The following PCDHA3 variants were observed in gnomAD, a reference collection of about 807,000 sequenced individuals.
The protein encoded by PCDHA3 is protocadherin alpha 3, also known as protocadherin alpha-3.
Under a neutral mutation model 62.2 loss-of-function variants are expected in PCDHA3, and 41 were observed. That is an observed-to-expected ratio of 0.66 (90% confidence interval 0.51 to 0.86). PCDHA3 has a LOEUF of 0.86. Among genes scored for constraint, PCDHA3 ranks in the 40% least tolerant of loss-of-function variants. The pLI is 0.00. For synonymous variants in PCDHA3, 640 were observed against 555.4 expected (o/e 1.15, Z -2.14); for missense variants, 1,304 against 1,241.2 (o/e 1.05, Z -0.76).
chr5:140,875,210 AAAAGAACCTC>A (rs2055354064), intron 1 of PCDHA3: 1 of 696,510 alleles, frequency 1.4e-6, no homozygotes, highest in Non-Finnish European at 2.1e-6. Context: ...GGCTAAACCG[AAAAGAACCTC>A]AGGATCTTTC....
At chr5:140,875,342 A>T in intron 1 of PCDHA3, 1 of 1,443,152 alleles carries the variant, frequency 6.9e-7, no homozygotes, top group Non-Finnish European at 9.1e-7. Flanking sequence ...GATCGACTCC[A>T]TAATGACTGT....
chr5:140,804,869 T>C, intron 1 of PCDHA3: 3 of 569,386 alleles, frequency 5.3e-6, no homozygotes, highest in Non-Finnish European at 8.7e-6. Flanking sequence ...AAAATAGATA[T>C]TTTTCTTGAC....
At chr5:140,898,233 C>T (rs2066607638) in intron 1 of PCDHA3, among the ~76,000 whole-genome samples, 1 of 152,126 alleles carries the variant, frequency 6.6e-6, no homozygotes, top group African/African-American at 2.4e-5. Flanking sequence ...GTTGCCATTG[C>T]TTTTGGTGTT....
chr5:140,969,331 G>A, intron 1 of PCDHA3: 1 of 1,614,042 alleles, frequency 6.2e-7, no homozygotes, highest in Non-Finnish European at 8.5e-7. Context: ...CTCAAAATGA[G>A]GTGAGACAGT....
intron 1 of PCDHA3, chr5:140,830,092 G>T: frequency 1.2e-6 from 2 of 1,613,632 alleles, no homozygotes; most frequent in Non-Finnish European, 1.7e-6. Flanking sequence ...CGGTTCTGGT[G>T]TCGCTGGTGG....
intron 1 of PCDHA3, chr5:140,849,676 C>G (rs2150444871): frequency 1.3e-6 from 2 of 1,598,588 alleles, no homozygotes; most frequent in African/African-American, 2.7e-5. Context: ...CCCCACGTCC[C>G]CTTCAAGCTG....
intron 1 of PCDHA3, chr5:140,841,359 G>A (rs2150314214): frequency 6.2e-7 from 1 of 1,613,176 alleles, no homozygotes; most frequent in Non-Finnish European, 8.5e-7. Flanking sequence ...GGATCCTGGC[G>A]ACTACTACTC....
intron 1 of PCDHA3, chr5:140,867,094 A>T (rs1289520469): frequency 6.6e-6 from 1 of 152,180 alleles, no homozygotes; most frequent in Admixed American, 6.5e-5. Flanking sequence ...GTTGGAAATT[A>T]ACACCTAAAT....
chr5:140,877,527 C>A (rs1554169810), intron 1 of PCDHA3: 1 of 1,613,642 alleles, frequency 6.2e-7, no homozygotes, highest in East Asian at 2.2e-5. Flanking sequence ...CCTCAGTGGG[C>A]GCTGTGGATC....
rs782328874 is a variant in PCDHA3, at chr5:141,009,755, C to G, written c.2671C>G (p.Pro891Ala). The G allele has an allele frequency of 6.2e-7, 1 of 1,614,002 alleles. No homozygotes were observed. Among genetic ancestry groups the G allele is most frequent in the African/African-American group, 1.3e-5 (1 of 74,894 alleles). ...TGAGTTGCCCGACAAATTCATTATC[C>G]CAGGATCTCCTGCAATCATCTCCAT... ...PGELPDKFII[P>A]GSPAIISIRQ... Residue 891 changes from proline (P) to alanine (A), a missense_variant, in exon 4 of 4, where the codon CCA becomes GCA. Physicochemically the swap from Pro to Ala is conservative, Grantham distance 27. Coordinates refer to ENST00000522353, the MANE Select transcript of PCDHA3 (RefSeq NM_018906.3).
intron 1 of PCDHA3, chr5:140,829,633 C>A (rs2150171789): frequency 1.7e-5 from 27 of 1,612,154 alleles, no homozygotes; most frequent in South Asian, 1.1e-5. Context: ...ACGCGGAGAG[C>A]GGCAAGGTGT....
intron 1 of PCDHA3, chr5:140,877,218 G>A: frequency 6.2e-7 from 1 of 1,613,726 alleles, no homozygotes; most frequent in Non-Finnish European, 8.5e-7. Context: ...AGTTGGTACC[G>A]CGGTCGGTGG....
chr5:140,906,761 A>G (rs896512633), intron 1 of PCDHA3, among the ~76,000 whole-genome samples: 2 of 152,204 alleles, frequency 1.3e-5, no homozygotes, highest in Non-Finnish European at 2.9e-5. Flanking sequence ...GGTAATACTA[A>G]GAGACACCCT....
At chr5:140,904,547 T>C (rs1313461939) in intron 1 of PCDHA3, among the ~76,000 whole-genome samples, 1 of 152,116 alleles carries the variant, frequency 6.6e-6, no homozygotes, top group African/African-American at 2.4e-5. Flanking sequence ...ATCTTTTTCA[T>C]ATAATGACTT....
intron 1 of PCDHA3, chr5:140,822,388 C>T: frequency 6.2e-7 from 1 of 1,614,066 alleles, no homozygotes; most frequent in Admixed American, 1.7e-5. Context: ...AGAAGAAACA[C>T]AAGAACACCG....
chr5:140,856,356 T>A lies in PCDHA3; in HGVS notation c.2394+52765T>A, dbSNP rs782497272. ...TGCGGGCGGAGCGTGGAGTGCAGCA[T>A]CCACCTGGAGGTGATCGTGGACAGG... On this transcript the variant is annotated intron_variant, in intron 1 of 3. Coordinates refer to ENST00000522353, the MANE Select transcript of PCDHA3 (RefSeq NM_018906.3). 3 of 1,598,530 alleles carry A rather than the reference T, an allele frequency of 1.9e-6. 1 individual carries two copies. Among genetic ancestry groups the A allele is most frequent in the South Asian group, 2.2e-5 (2 of 90,522 alleles).
chr5:140,801,379 C>A lies in PCDHA3; in HGVS notation c.182C>A (p.Pro61Gln), dbSNP rs7731327. 9.9e-3 allele frequency: 16,021 copies of A among 1,613,474 alleles called. 1,346 individuals carry two copies. In the African/African-American group the frequency reaches 0.19, roughly 19 times the overall value. ...DLGLELAELV[P>Q]RLFRVASKRH... ...GGGCTGGAGCTGGCGGAGCTGGTGC[C>A]GCGCCTGTTCCGGGTGGCGTCCAAA... Residue 61 changes from proline to glutamine, a missense_variant, in exon 1 of 4, where the codon CCG (proline) becomes CAG (glutamine). Pro to Gln is a moderately conservative substitution (Grantham distance 76). Transcript: ENST00000522353.
chr5:140,876,925 C>G (rs1554169109), intron 1 of PCDHA3: 1 of 1,613,838 alleles, frequency 6.2e-7, no homozygotes, highest in South Asian at 1.1e-5. Flanking sequence ...CGCGGACGCG[C>G]AGAAGAACGC....
At chr5:140,820,895 A>G (rs1216574089) in intron 1 of PCDHA3, among the ~76,000 whole-genome samples, 5 of 152,098 alleles carry the variant, frequency 3.3e-5, no homozygotes, top group African/African-American at 1.2e-4. Context: ...AAGACGATTT[A>G]CCAAAGTCGT....
Sources: allele counts gnomAD v4.1 joint callset (sites outside exome capture counted in the v4.1 genomes callset), GRCh38; gene constraint gnomAD v4.1.1; transcripts MANE v1.5; gene names NCBI Gene and HGNC (gene_info 2026-07-23, HGNC 2026-07-21).